Variants in RHBDD2 observed in about 807,000 individuals in gnomAD.
The protein encoded by RHBDD2 is rhomboid domain containing 2.
Under a neutral mutation model 21.7 loss-of-function variants are expected in RHBDD2, and 13 were observed. The observed-to-expected ratio is 0.60, with a 90% CI of 0.39 to 0.95. The LOEUF (loss-of-function observed/expected upper bound fraction) is 0.95. Among genes scored for constraint, RHBDD2 ranks in the 40% least tolerant of loss-of-function variants. The pLI is 0.00. For missense variants in RHBDD2, 473 were observed against 478.9 expected (o/e 0.99, Z 0.11); for synonymous variants, 225 against 220.0 (o/e 1.02, Z -0.20).
At chr7:75,879,343 G>T in intron 1 of RHBDD2, 83 bp downstream of exon 1, 1 of 1,256,256 alleles carries the variant, frequency 8.0e-7, no homozygotes, top group Non-Finnish European at 1.0e-6. Context: ...TCCGGGACTC[G>T]CCCCTTCAGG....
chr7:75,883,566 C>A, intron 2 of RHBDD2, 132 bp from the exon 3 acceptor site: 1 of 743,658 alleles, frequency 1.3e-6, no homozygotes, highest in Non-Finnish European at 2.2e-6. Flanking sequence ...GAGCTGCAAA[C>A]TCCAGCCAGA....
chr7:75,885,870 C>G (rs140897090), intron 3 of RHBDD2, among the ~76,000 whole-genome samples: 8 of 152,106 alleles, frequency 5.3e-5, no homozygotes, highest in Non-Finnish European at 1.2e-4. Flanking sequence ...CTGGGAATCA[C>G]GTTTCTTTTT....
At position 75,881,837 on chromosome 7, in the gene RHBDD2, C is replaced by A; in HGVS notation, c.187C>A (p.Leu63Met). 1.2e-6 allele frequency: 2 copies of A among 1,602,050 alleles called. No individual in the cohort carries two copies. Among genetic ancestry groups the A allele is most frequent in the Non-Finnish European group, 1.7e-6 (2 of 1,172,418 alleles). ...EALRNWQVYR[L>M]VTYIFVYENP... Reference sequence around the variant, plus strand: ...CCCGACTCCCTCTGCAGTTTACAGGCTGGTAACCTACATCTTTGTCTACGA... The same window carrying A: ...CCCGACTCCCTCTGCAGTTTACAGGATGGTAACCTACATCTTTGTCTACGA... Residue 63 changes from leucine (L) to methionine (M), a missense_variant, in exon 2 of 4, where the codon CTG becomes ATG. By Grantham distance (15) the Leu-to-Met change is conservative (BLOSUM62 2). Transcript: ENST00000006777.
rs782323707 is a variant in RHBDD2, at chr7:75,888,364, A to AATG, written c.*16_*17insTGA. 1.3e-6 allele frequency: 2 copies of AATG among 1,592,926 alleles called. No individual in the cohort carries two copies. Among genetic ancestry groups the AATG allele is most frequent in the African/African-American group, 2.7e-5 (2 of 73,346 alleles). ...CCATGCCCTGAGAGAATTTCTAGGG[A>AATG]AGTCATCTCACTTGGCCTTCTGAAG... On this transcript the variant is annotated 3_prime_UTR_variant, in exon 4 of 4. Transcript: ENST00000006777.
At chr7:75,881,727 T>C in intron 1 of RHBDD2, 102 bp from the exon 2 acceptor site, 3 of 1,223,622 alleles carry the variant, frequency 2.5e-6, no homozygotes, top group Non-Finnish European at 3.4e-6. Context: ...CTCACTTCTC[T>C]GTCACGGAGG....
At chr7:75,886,644 C>G (rs1299876159) in intron 3 of RHBDD2, among the ~76,000 whole-genome samples, 5 of 152,030 alleles carry the variant, frequency 3.3e-5, no homozygotes, top group African/African-American at 1.2e-4. Context: ...GAAACCCCAT[C>G]TCTACTAAAA....
intron 2 of RHBDD2, among the ~76,000 whole-genome samples, chr7:75,883,092 T>C (rs113260066): frequency 4.1e-4 from 63 of 152,300 alleles, no homozygotes; most frequent in African/African-American, 1.5e-3. Context: ...AGCAGAGGCA[T>C]GTCCTGGCTT....
chr7:75,879,371 C>G, intron 1 of RHBDD2, 111 bp downstream of exon 1: 1 of 1,075,832 alleles, frequency 9.3e-7, no homozygotes, highest in Non-Finnish European at 1.3e-6. Flanking sequence ...GCCAGTCTCC[C>G]CCTGTCTCGG....
intron 1 of RHBDD2, among the ~76,000 whole-genome samples, chr7:75,880,043 G>A (rs1487116140): frequency 1.3e-5 from 2 of 152,106 alleles, no homozygotes; most frequent in African/African-American, 4.8e-5. Context: ...CATGACGTAG[G>A]ACCTGTTATT....
At chr7:75,881,447 A>T in intron 1 of RHBDD2, 6 of 1,298,412 alleles carry the variant, frequency 4.6e-6, no homozygotes, top group Admixed American at 2.3e-5. Flanking sequence ...ATCCACCCCG[A>T]AGCTGTTACA....
Position 75,881,867 on chromosome 7 carries a change from C to G in RHBDD2, c.217C>G (p.Pro73Ala). 5.0e-6 allele frequency: 8 copies of G among 1,612,634 alleles called. No individual in the cohort carries two copies. Among genetic ancestry groups the G allele is most frequent in the Non-Finnish European group, 6.8e-6 (8 of 1,178,966 alleles). ...AACCTACATCTTTGTCTACGAGAAT[C>G]CCATCTCCCTGCTCTGCGGCGCTAT... is the stretch of plus-strand genomic sequence containing the variant. ...LVTYIFVYEN[P>A]ISLLCGAIII... The change falls in exon 2 of 4, where the codon CCC becomes GCC. Residue 73 changes from proline to alanine, a missense_variant. Transcript: ENST00000006777.
At position 75,879,268 on chromosome 7, in the gene RHBDD2, G is replaced by A; in HGVS notation, c.178+8G>A. 2 of 1,475,306 alleles carry A rather than the reference G, an allele frequency of 1.4e-6. No homozygotes were observed. The highest frequency in any genetic ancestry group is 1.8e-6 in the Non-Finnish European group (2 of 1,112,174). The allele number at this position is 1,475,306 out of a possible 1,614,324, so 91.4% of individuals were successfully genotyped here. Reference sequence around the variant, plus strand: ...CCCTTCGCAACTGGCAAGGTGAGCAGGGGCGGGCCGGGATCGCGGGGCGAG... The same window carrying A: ...CCCTTCGCAACTGGCAAGGTGAGCAAGGGCGGGCCGGGATCGCGGGGCGAG... On this transcript the variant is annotated splice_region_variant and intron_variant, in intron 1 of 3. Transcript: ENST00000006777.
chr7:75,881,078 G>C (rs1170330999), intron 1 of RHBDD2, among the ~76,000 whole-genome samples: 2 of 152,030 alleles, frequency 1.3e-5, no homozygotes, highest in African/African-American at 4.8e-5. Context: ...CGTATGTGTA[G>C]TTTCAGCACT....
rs372506880 is a variant in RHBDD2, at chr7:75,881,984, A to G, written c.334A>G (p.Ile112Val). 8.7e-6 allele frequency: 14 copies of G among 1,614,086 alleles called. No individual in the cohort carries two copies. The highest frequency in any genetic ancestry group is 2.2e-5 in the South Asian group (2 of 91,090). The change falls in exon 2 of 4, where the codon ATC becomes GTC. Residue 112 changes from isoleucine (I) to valine (V), a missense_variant. By Grantham distance (29) the Ile-to-Val change is conservative. Coordinates refer to ENST00000006777, the MANE Select transcript of RHBDD2 (RefSeq NM_001040456.3). ...FTVIFAIFSAIIFLSFEAVSS... is the reference protein window; with the variant it reads ...FTVIFAIFSAVIFLSFEAVSS... ...CGTGATCTTCGCCATCTTCTCCGCT[A>G]TCATCTTCCTGTCATTCGAGGCTGT...
In RHBDD2 at chr7:75,888,354, A is replaced by G. The variant is rs782730072; in HGVS notation, c.*5A>G. The G allele has an allele frequency of 6.2e-7, 1 of 1,602,544 alleles. No individual in the cohort carries two copies. Among genetic ancestry groups the G allele is most frequent in the Non-Finnish European group, 8.5e-7 (1 of 1,175,238 alleles). On this transcript the variant is annotated 3_prime_UTR_variant, in exon 4 of 4. Coordinates refer to ENST00000006777, the MANE Select transcript of RHBDD2 (RefSeq NM_001040456.3). ...TCCAGGGTCCCCATGCCCTGAGAGA[A>G]TTTCTAGGGAAGTCATCTCACTTGG...
chr7:75,883,969 A>T, intron 3 of RHBDD2, 121 bp downstream of exon 3: 1 of 693,516 alleles, frequency 1.4e-6, no homozygotes, highest in Non-Finnish European at 2.3e-6. Flanking sequence ...ATCTCGGCTC[A>T]CTGCAACCTC....
In RHBDD2 at chr7:75,879,240, A is replaced by G; in HGVS notation, c.158A>G (p.Glu53Gly). The G allele has an allele frequency of 6.6e-7, 1 of 1,518,184 alleles. No individual in the cohort carries two copies. The highest frequency in any genetic ancestry group is 8.8e-7 in the Non-Finnish European group (1 of 1,132,298). The allele number at this position is 1,518,184 out of a possible 1,614,324, so 94.0% of individuals were successfully genotyped here. A position where few individuals can be genotyped will look rare whatever the true frequency, so the allele number is the denominator to read the frequency against. The change falls in exon 1 of 4, where the codon GAG (glutamate) becomes GGG (glycine). Residue 53 changes from glutamate (E) to glycine (G), a missense_variant. Coordinates refer to ENST00000006777, the MANE Select transcript of RHBDD2 (RefSeq NM_001040456.3). ...LAPSGLTLKS[E>G]ALRNWQVYRL... is the part of the protein sequence containing the mutation. ...CCCTCGGGCCTCACGCTGAAGTCCG[A>G]GGCCCTTCGCAACTGGCAAGGTGAG...
At position 75,888,392 on chromosome 7, in the gene RHBDD2, C is replaced by A. The variant is rs369048852; in HGVS notation, c.*43C>A. 607 of 1,506,980 alleles carry A rather than the reference C, an allele frequency of 4.0e-4. 1 individual carries two copies. The highest frequency in any genetic ancestry group is 5.1e-4 in the Non-Finnish European group (556 of 1,098,056). The allele number at this position is 1,506,980 out of a possible 1,614,324, so 93.4% of individuals were successfully genotyped here. A position where few individuals can be genotyped will look rare whatever the true frequency, so the allele number is the denominator to read the frequency against. Reference sequence around the variant, plus strand: ...TCATCTCACTTGGCCTTCTGAAGGTCCTCCCTAAGAGTCTCCTGACAAAAG... The same window carrying A: ...TCATCTCACTTGGCCTTCTGAAGGTACTCCCTAAGAGTCTCCTGACAAAAG... On this transcript the variant is annotated 3_prime_UTR_variant, in exon 4 of 4. Transcript: ENST00000006777.
intron 1 of RHBDD2, chr7:75,881,560 G>T (rs192316619): frequency 7.3e-7 from 1 of 1,374,334 alleles, no homozygotes. Flanking sequence ...CTACCGAAAA[G>T]TATTATTTTT....
Sources: allele counts gnomAD v4.1 joint callset (sites outside exome capture counted in the v4.1 genomes callset), GRCh38; gene constraint gnomAD v4.1.1; transcripts MANE v1.5; gene names NCBI Gene and HGNC (gene_info 2026-07-23, HGNC 2026-07-21).